The following TLE5 variants were observed in gnomAD, a reference collection of about 807,000 sequenced individuals.
TLE5 encodes the protein TLE family member 5.
A neutral mutation model predicts 25.8 loss-of-function variants in TLE5; 7 were observed. The ratio of observed to expected loss-of-function variants is 0.27; its 90% CI spans 0.15 to 0.51. The LOEUF (loss-of-function observed/expected upper bound fraction) is 0.51. TLE5 is among the 20% of genes least tolerant of loss of function. TLE5 has a pLI of 0.97. For missense variants in TLE5, 149 were observed against 250.7 expected, an observed-to-expected ratio of 0.59 and a Z score of 2.74; for synonymous variants, 132 against 110.5, an observed-to-expected ratio of 1.20 and a Z score of -1.22.
chr19:3,056,093 G>C (rs974855739), intron 4 of TLE5: 2 of 526,112 alleles, frequency 3.8e-6, no homozygotes, highest in African/African-American at 2.0e-5. Context: ...CCCCACCACC[G>C]GGAGAAACAC....
At chr19:3,056,453 AG>A (rs779581339) in intron 3 of TLE5, 97 bp from the exon 4 acceptor site, 3 of 391,208 alleles carry the variant, frequency 7.7e-6, no homozygotes, top group Non-Finnish European at 1.0e-5. Flanking sequence ...AGACAGACAA[AG>A]GGGGGAGACA....
intron 5 of TLE5, chr19:3,055,356 G>A (rs941009619): frequency 4.2e-5 from 10 of 236,560 alleles, no homozygotes; most frequent in Non-Finnish European, 3.3e-5. Flanking sequence ...GAGGAAGAGA[G>A]ATGAGAAAAA....
intron 5 of TLE5, chr19:3,055,042 G>A (rs966657624): frequency 2.0e-5 from 3 of 152,434 alleles, no homozygotes; most frequent in Non-Finnish European, 4.4e-5. Context: ...AAGGAGAAGA[G>A]GAGCTGGGCG....
chr19:3,054,391 T>C, intron 5 of TLE5, 197 bp from the exon 6 acceptor site: 1 of 604,840 alleles, frequency 1.7e-6, no homozygotes, highest in South Asian at 2.0e-5. Context: ...CGTCTCTTCG[T>C]CTGGCCAACA....
chr19:3,062,113 G>A (rs2090276558), intron 1 of TLE5, 61 bp downstream of exon 1: 1 of 935,900 alleles, frequency 1.1e-6, no homozygotes, highest in South Asian at 5.1e-5. Flanking sequence ...CGGGAGCCGG[G>A]GGTCGGGGGC....
chr19:3,061,345 C>A, intron 1 of TLE5, 88 bp from the exon 2 acceptor site: 3 of 1,035,406 alleles, frequency 2.9e-6, no homozygotes, highest in East Asian at 5.0e-5. Flanking sequence ...CGCGCAGCTG[C>A]GGCGCCCCCC....
At chr19:3,062,516 G>T, upstream of TLE5, 1 of 635,804 alleles carries the variant, frequency 1.6e-6, no homozygotes, top group Non-Finnish European at 1.9e-6. Context: ...CGGCTGCTGC[G>T]GAGGCTTCGG....
intron 3 of TLE5, 57 bp from the exon 4 acceptor site, chr19:3,056,413 C>CACGG (rs2090219232): frequency 1.6e-6 from 1 of 614,078 alleles, no homozygotes. Context: ...GATGGGGGGA[C>CACGG]ACGGAGACAA....
chr19:3,053,039 G>A lies in TLE5; in HGVS notation c.*780C>T, dbSNP rs2145251737. ...TGACTATATACAGACACAGGTGTGG[G>A]TGTTGCTTTTTTTTAAAAACACTTT... On this transcript the variant is annotated 3_prime_UTR_variant, in exon 7 of 7. Transcript: ENST00000327141. 6.6e-6 allele frequency: 1 copy of A among 151,372 alleles called. No individual in the cohort carries two copies. The highest frequency in any genetic ancestry group is 1.5e-5 in the Non-Finnish European group (1 of 67,878). 9.4% of individuals were successfully genotyped at this position (151,372 alleles called of 1,614,324 possible). A position where few individuals can be genotyped will look rare whatever the true frequency, so the allele number is the denominator to read the frequency against.
At position 3,057,673 on chromosome 19, in the gene TLE5, C is replaced by T. The variant is rs758656482; in HGVS notation, c.189+6G>A. The T allele has an allele frequency of 8.1e-6, 13 of 1,613,048 alleles. No homozygotes were observed. In the South Asian group the frequency reaches 1.2e-4, roughly 15 times the overall value. ...AACACTGGACCTGGGGGCGGAGTGA[C>T]GTTACCATCACATAGTGACGCTGCA... On this transcript the variant is annotated splice_donor_region_variant and intron_variant, in intron 3 of 6. Coordinates refer to ENST00000327141, the MANE Select transcript of TLE5 (RefSeq NM_001130.6).
chr19:3,057,192 G>A (rs1039806835), intron 3 of TLE5, among the ~76,000 whole-genome samples: 2 of 152,200 alleles, frequency 1.3e-5, no homozygotes, highest in African/African-American at 4.8e-5. Flanking sequence ...TTACAAAACC[G>A]AGCAAGTGGT....
chr19:3,060,641 G>A (rs567326095), intron 2 of TLE5, among the ~76,000 whole-genome samples: 1 of 152,050 alleles, frequency 6.6e-6, no homozygotes, highest in Non-Finnish European at 1.5e-5. Flanking sequence ...CTGGGCTTAA[G>A]TTTCTTTAAG....
chr19:3,054,106 G>C lies in TLE5; in HGVS notation c.372+14C>G, dbSNP rs376918859. 1.2e-5 allele frequency: 5 copies of C among 406,852 alleles called. No homozygotes were observed. Among genetic ancestry groups the C allele is most frequent in the South Asian group, 1.1e-4 (5 of 44,422 alleles). 25.2% of individuals were successfully genotyped at this position (406,852 alleles called of 1,614,324 possible). A position where few individuals can be genotyped will look rare whatever the true frequency, so the allele number is the denominator to read the frequency against. Reference sequence around the variant, plus strand: ...ACCTGTCCCCCGCCCACCCGCCCAGGTCCCCATACATACTCGGATGATAGA... The same window carrying C: ...ACCTGTCCCCCGCCCACCCGCCCAGCTCCCCATACATACTCGGATGATAGA... On this transcript the variant is annotated intron_variant, in intron 6 of 6. Transcript: ENST00000327141.
chr19:3,059,840 C>G (rs1156808628), intron 2 of TLE5, among the ~76,000 whole-genome samples: 1 of 152,198 alleles, frequency 6.6e-6, no homozygotes, highest in African/African-American at 2.4e-5. Flanking sequence ...GGAACCCGCA[C>G]AAAAGCTTCT....
At chr19:3,056,129 G>T in intron 4 of TLE5, 183 bp downstream of exon 4, 1 of 521,954 alleles carries the variant, frequency 1.9e-6, no homozygotes, top group South Asian at 2.6e-5. Context: ...AAAAAGAGGC[G>T]GGGCGGGGGG....
chr19:3,057,755 AG>A lies in TLE5; in HGVS notation c.126-14del, dbSNP rs762679776. 2 of 1,612,992 alleles carry A rather than the reference AG, an allele frequency of 1.2e-6. No individual in the cohort carries two copies. The highest frequency in any genetic ancestry group is 1.7e-6 in the Non-Finnish European group (2 of 1,179,642). Reference sequence around the variant, plus strand: ...TTCGAGCTTGAGGCTGAGGAGGCACAGGGGGGAGATGGGGTGGTTAGTGGCG... The same window carrying A: ...TTCGAGCTTGAGGCTGAGGAGGCACAGGGGGAGATGGGGTGGTTAGTGGCG... On this transcript the variant is annotated splice_polypyrimidine_tract_variant and intron_variant, in intron 2 of 6. Transcript: ENST00000327141.
chr19:3,054,207 C>T lies in TLE5; in HGVS notation c.298-13G>A, dbSNP rs375061855. The T allele has an allele frequency of 5.6e-6, 9 of 1,601,332 alleles. No individual in the cohort carries two copies. Among genetic ancestry groups the T allele is most frequent in the East Asian group, 2.3e-5 (1 of 44,432 alleles). On this transcript the variant is annotated splice_polypyrimidine_tract_variant and intron_variant, in intron 5 of 6. Coordinates refer to ENST00000327141, the MANE Select transcript of TLE5 (RefSeq NM_001130.6). Reference sequence around the variant, plus strand: ...CCTGCTGCTGGTGCTGGAAGGGGGTCGGGGGAGAGGAGAGGCAGTGATTCC... The same window carrying T: ...CCTGCTGCTGGTGCTGGAAGGGGGTTGGGGGAGAGGAGAGGCAGTGATTCC...
Position 3,056,134 on chromosome 19 carries a change from G to C in TLE5, c.234+178C>G, listed in dbSNP as rs189729528. 4.7e-4 allele frequency: 240 copies of C among 510,082 alleles called. 1 individual carries two copies. Among genetic ancestry groups the C allele is most frequent in the Non-Finnish European group, 7.1e-4 (205 of 288,820 alleles). 31.6% of individuals were successfully genotyped at this position (510,082 alleles called of 1,614,324 possible). ...GGGAGGCCTGAAAAAGAGGCGGGGC[G>C]GGGGGGAGGAGAGCGGGAGCTTGGG... On this transcript the variant is annotated intron_variant, in intron 4 of 6. Coordinates refer to ENST00000327141, the MANE Select transcript of TLE5 (RefSeq NM_001130.6).
chr19:3,055,913 GGGGCT>G, intron 4 of TLE5, 187 bp from the exon 5 acceptor site: 1 of 573,062 alleles, frequency 1.7e-6, no homozygotes, highest in Non-Finnish European at 3.0e-6. Context: ...TGGCAAAGGT[GGGGCT>G]GGACACCGGC....
Sources: gnomAD v4.1 joint callset for allele counts (sites outside exome capture counted in the v4.1 genomes callset) on GRCh38, gnomAD v4.1.1 for gene constraint, MANE v1.5 for transcripts, NCBI Gene and HGNC (gene_info 2026-07-23, HGNC 2026-07-21) for gene names.